The following MOB1B variants were observed in gnomAD, a reference collection of about 807,000 sequenced individuals.
The protein encoded by MOB1B is MOB1 Mps One Binder homolog B.
Under a neutral mutation model 24.4 loss-of-function variants are expected in MOB1B, and 19 were observed. That is an observed-to-expected ratio of 0.78 (90% CI 0.54 to 1.14). The LOEUF is 1.14. MOB1B is among the 50% of genes most tolerant of loss of function. The probability of loss-of-function intolerance (pLI) is 0.00; values close to 1 mark genes in which losing one functional copy is unlikely to be tolerated. For synonymous variants in MOB1B, 76 were observed against 82.1 expected (o/e 0.93, Z 0.40); for missense variants, 243 against 259.6 (o/e 0.94, Z 0.44).
rs1424412832 is a variant in MOB1B at position 70,984,420 on chromosome 4, T to A, written c.*2363T>A. On this transcript the variant is annotated 3_prime_UTR_variant, in exon 6 of 6. Transcript: ENST00000309395. ...TTGGTTCCCATGAAAGTTAGTAAGA[T>A]GCCCTTTTAAATATAAGGATCAGTG... The A allele has an allele frequency of 6.6e-6, 1 of 152,322 alleles. No individual in the cohort carries two copies. Among genetic ancestry groups the A allele is most frequent in the South Asian group, 2.1e-4 (1 of 4,824 alleles). 9.4% of individuals were successfully genotyped at this position (152,322 alleles called of 1,614,324 possible).
At chr4:70,959,974 C>T (rs1297896787) in intron 2 of MOB1B, among the ~76,000 whole-genome samples, 18 of 152,224 alleles carry the variant, frequency 1.2e-4, no homozygotes, top group Admixed American at 1.2e-3. Flanking sequence ...ACCTCTGCCT[C>T]CTGGGTTCAA....
chr4:70,965,535 C>T (rs1026099653), intron 2 of MOB1B, among the ~76,000 whole-genome samples: 5 of 151,466 alleles, frequency 3.3e-5, no homozygotes, highest in Non-Finnish European at 7.4e-5. Context: ...CGGTGGCTCA[C>T]GCCTGTAATC....
At chr4:70,952,917 G>A (rs1457538094) in intron 1 of MOB1B, among the ~76,000 whole-genome samples, 2 of 133,158 alleles carry the variant, frequency 1.5e-5, no homozygotes, top group Non-Finnish European at 3.2e-5. Flanking sequence ...TGAAGACTCT[G>A]TCATTTTGTC....
At chr4:70,929,502 A>G (rs546024460) in intron 1 of MOB1B, among the ~76,000 whole-genome samples, 1 of 151,868 alleles carries the variant, frequency 6.6e-6, no homozygotes, top group South Asian at 2.1e-4. Context: ...ATTTTTGGAG[A>G]TAAGGTCTTG....
intron 1 of MOB1B, among the ~76,000 whole-genome samples, chr4:70,918,402 T>G (rs1310319966): frequency 3.3e-5 from 5 of 151,734 alleles, no homozygotes; most frequent in African/African-American, 1.2e-4. Flanking sequence ...TGAGATGGTA[T>G]CTCATTGTGG....
At chr4:70,926,575 C>T (rs115002025) in intron 1 of MOB1B, among the ~76,000 whole-genome samples, 25 of 152,276 alleles carry the variant, frequency 1.6e-4, no homozygotes, top group Non-Finnish European at 3.5e-4. Flanking sequence ...TTGTGCATTC[C>T]AGTTTTTTGT....
chr4:70,920,794 G>A (rs966513760), intron 1 of MOB1B, among the ~76,000 whole-genome samples: 10 of 152,150 alleles, frequency 6.6e-5, no homozygotes, highest in Non-Finnish European at 1.3e-4. Flanking sequence ...GGCAGAGAAA[G>A]AGAAGTATGA....
At chr4:70,905,302 G>C (rs1476853082) in intron 1 of MOB1B, among the ~76,000 whole-genome samples, 1 of 151,248 alleles carries the variant, frequency 6.6e-6, no homozygotes, top group Non-Finnish European at 1.5e-5. Context: ...GCAGTGGCAT[G>C]ACCACAGCTA....
chr4:70,913,703 G>A (rs1482150941), intron 1 of MOB1B, among the ~76,000 whole-genome samples: 1 of 152,126 alleles, frequency 6.6e-6, no homozygotes, highest in African/African-American at 2.4e-5. Flanking sequence ...ATTCTCCACT[G>A]TAAGGTTATT....
At chr4:70,942,308 T>A (rs1224771312) in intron 1 of MOB1B, among the ~76,000 whole-genome samples, 1 of 152,058 alleles carries the variant, frequency 6.6e-6, no homozygotes, top group Non-Finnish European at 1.5e-5. Flanking sequence ...AATATTCTAG[T>A]GGTCTATTAA....
At position 70,958,975 on chromosome 4, in the gene MOB1B, G is replaced by C; in HGVS notation, c.116G>C (p.Gly39Ala). Residue 39 changes from glycine to alanine, a missense_variant, in exon 2 of 6, where the codon GGC becomes GCC. Physicochemically the swap from Gly to Ala is moderately conservative, Grantham distance 60. Transcript: ENST00000309395. ...LKHAEATLGS[G>A]NLRMAVMLPE... Reference sequence around the variant, plus strand: ...CACGCAGAAGCCACACTTGGCAGTGGCAACCTTCGGATGGCTGTCATGCTT... The same window carrying C: ...CACGCAGAAGCCACACTTGGCAGTGCCAACCTTCGGATGGCTGTCATGCTT... 1.9e-6 allele frequency: 3 copies of C among 1,614,094 alleles called. No homozygotes were observed. Among genetic ancestry groups the C allele is most frequent in the Non-Finnish European group, 2.5e-6 (3 of 1,179,996 alleles).
chr4:70,940,924 C>T (rs762839286), intron 1 of MOB1B, among the ~76,000 whole-genome samples: 8 of 152,090 alleles, frequency 5.3e-5, no homozygotes, highest in South Asian at 2.1e-4. Flanking sequence ...CCGCCCGCCT[C>T]GGCCTCTCAA....
At chr4:70,911,978 C>A (rs939625056) in intron 1 of MOB1B, among the ~76,000 whole-genome samples, 1 of 149,792 alleles carries the variant, frequency 6.7e-6, no homozygotes, top group Admixed American at 6.7e-5. Flanking sequence ...CTCACTGCAA[C>A]CTCTGCCTCC....
In MOB1B at chr4:70,927,368, C is replaced by T. The variant is rs190461850; in HGVS notation, c.14+24818C>T. 1.4e-3 allele frequency among the ~76,000 whole-genome samples: 212 copies of T among 152,080 alleles called. 1 individual carries two copies. The highest frequency in any genetic ancestry group is 3.9e-3 in the African/African-American group (163 of 41,488). Reference sequence around the variant, plus strand: ...AGCCTGGCCAACATGATGAAACCCCCGTCTCTACTAAAAATACAATAATTA... The same window carrying T: ...AGCCTGGCCAACATGATGAAACCCCTGTCTCTACTAAAAATACAATAATTA... On this transcript the variant is annotated intron_variant, in intron 1 of 5. Transcript: ENST00000309395.
chr4:70,902,618 C>T (rs908560804), intron 1 of MOB1B, 68 bp downstream of exon 1: 1 of 1,444,424 alleles, frequency 6.9e-7, no homozygotes, highest in Non-Finnish European at 9.3e-7. Context: ...CGCCGCCCGC[C>T]GCCCGTCGCC....
At chr4:70,905,429 G>A (rs77917546) in intron 1 of MOB1B, among the ~76,000 whole-genome samples, 2 of 149,874 alleles carry the variant, frequency 1.3e-5, no homozygotes, top group Admixed American at 6.7e-5. Flanking sequence ...TTTTTTTTTC[G>A]GTAGAGTCAG....
chr4:70,964,751 G>A (rs1447041285), intron 2 of MOB1B, among the ~76,000 whole-genome samples: 2 of 151,976 alleles, frequency 1.3e-5, no homozygotes, highest in East Asian at 1.9e-4. Flanking sequence ...CCAACATGGC[G>A]AAACCCCATC....
At chr4:70,923,593 A>G (rs1736525376) in intron 1 of MOB1B, among the ~76,000 whole-genome samples, 1 of 152,072 alleles carries the variant, frequency 6.6e-6, no homozygotes, top group Non-Finnish European at 1.5e-5. Context: ...TTTAGTAGTT[A>G]TAGTATTATA....
chr4:70,905,205 C>A (rs975376547), intron 1 of MOB1B, among the ~76,000 whole-genome samples: 1 of 150,678 alleles, frequency 6.6e-6, no homozygotes, highest in African/African-American at 2.4e-5. Flanking sequence ...GTTATTTCTT[C>A]TATTTGTTAT....
Sources: gnomAD v4.1 joint callset for allele counts (sites outside exome capture counted in the v4.1 genomes callset) on GRCh38, gnomAD v4.1.1 for gene constraint, MANE v1.5 for transcripts, NCBI Gene and HGNC (gene_info 2026-07-23, HGNC 2026-07-21) for gene names.